RAB22A: variants seen among roughly 807,000 people sequenced by gnomAD.
RAB22A encodes RAB22A, member RAS oncogene family.
Under a neutral mutation model 30.2 loss-of-function variants are expected in RAB22A, and 13 were observed. That is an observed-to-expected ratio of 0.43 (90% CI 0.28 to 0.68). The LOEUF (loss-of-function observed/expected upper bound fraction) is 0.68, where lower values mean the gene tolerates loss of function less well. Ranked by LOEUF, RAB22A falls within the 30% of genes least tolerant of loss-of-function variation. The pLI, the probability that RAB22A is intolerant of heterozygous loss-of-function variation, is 0.18. For missense variants in RAB22A, 177 were observed against 246.8 expected, an observed-to-expected ratio of 0.72 and a Z score of 1.89; for synonymous variants, 89 against 87.2, an observed-to-expected ratio of 1.02 and a Z score of -0.11.
chr20:58,328,181 A>AATGTTATAT (rs1408588366), intron 2 of RAB22A, among the ~76,000 whole-genome samples: 2 of 152,100 alleles, frequency 1.3e-5, no homozygotes, highest in East Asian at 3.8e-4. Context: ...TTGCGAAAAA[A>AATGTTATAT]ATGTTATATA....
Position 58,316,267 on chromosome 20 carries a change from C to T in RAB22A, c.116+5145C>T, listed in dbSNP as rs185499727. ...GCCCAGAATTCCTGCCCTCCCTGCA[C>T]CAGGTCCCCTCGTTCATCTTCTTAC... On this transcript the variant is annotated intron_variant, in intron 2 of 6. Transcript: ENST00000244040. 2.6e-5 allele frequency among the ~76,000 whole-genome samples: 4 copies of T among 152,324 alleles called. No homozygotes were observed. In the East Asian group the frequency reaches 5.8e-4, roughly 22 times the overall value.
chr20:58,314,565 G>T (rs1275332566), intron 2 of RAB22A, among the ~76,000 whole-genome samples: 1 of 152,170 alleles, frequency 6.6e-6, no homozygotes, highest in East Asian at 1.9e-4. Context: ...AGTTGGCTGT[G>T]CACGGTGGCT....
intron 2 of RAB22A, among the ~76,000 whole-genome samples, chr20:58,315,185 G>A (rs796525752): frequency 4.6e-5 from 7 of 152,216 alleles, no homozygotes; most frequent in African/African-American, 9.6e-5. Context: ...CTTCATAACC[G>A]TGCTTTCTCA....
At position 58,365,366 on chromosome 20, in the gene RAB22A, C is replaced by T. The variant is rs1434535031; in HGVS notation, c.*5663C>T. ...AGTGGGGCCCACTGGCATGAGTAGTCCCTGTGCCCATGCCCATGGTGGTGC... is the reference window on the plus strand; with the variant it reads ...AGTGGGGCCCACTGGCATGAGTAGTTCCTGTGCCCATGCCCATGGTGGTGC... On this transcript the variant is annotated 3_prime_UTR_variant, in exon 7 of 7. Coordinates refer to ENST00000244040, the MANE Select transcript of RAB22A (RefSeq NM_020673.3). 6.6e-6 allele frequency: 1 copy of T among 152,204 alleles called. No individual in the cohort carries two copies. Among genetic ancestry groups the T allele is most frequent in the Non-Finnish European group, 1.5e-5 (1 of 68,046 alleles). The allele number at this position is 152,204 out of a possible 1,614,324, so 9.4% of individuals were successfully genotyped here. A position where few individuals can be genotyped will look rare whatever the true frequency, so the allele number is the denominator to read the frequency against.
At chr20:58,320,826 C>T (rs566260962) in intron 2 of RAB22A, among the ~76,000 whole-genome samples, 2 of 152,144 alleles carry the variant, frequency 1.3e-5, no homozygotes, top group Non-Finnish European at 1.5e-5. Flanking sequence ...GAGGCCAAAG[C>T]GGGTGGATCA....
At chr20:58,348,338 C>T (rs1172532205) in intron 3 of RAB22A, among the ~76,000 whole-genome samples, 3 of 152,298 alleles carry the variant, frequency 2.0e-5, no homozygotes, top group Admixed American at 2.0e-4. Flanking sequence ...TTACAGAGAT[C>T]AGAACACTAG....
chr20:58,343,543 G>C (rs1030564610), intron 2 of RAB22A, among the ~76,000 whole-genome samples, 175 bp from the exon 3 acceptor site: 4 of 152,058 alleles, frequency 2.6e-5, no homozygotes, highest in African/African-American at 7.2e-5. Flanking sequence ...TATTTTGACG[G>C]AGGATATGCA....
chr20:58,332,201 G>A (rs1022448744), intron 2 of RAB22A, among the ~76,000 whole-genome samples: 2 of 152,160 alleles, frequency 1.3e-5, no homozygotes, highest in Non-Finnish European at 2.9e-5. Flanking sequence ...AGGCAGCTGA[G>A]CACACAAAGA....
At chr20:58,334,588 C>G (rs535520373) in intron 2 of RAB22A, among the ~76,000 whole-genome samples, 32 of 151,752 alleles carry the variant, frequency 2.1e-4, no homozygotes, top group African/African-American at 6.5e-4. Context: ...ATGAGGAAAC[C>G]TTCTGGTCAT....
intron 2 of RAB22A, among the ~76,000 whole-genome samples, chr20:58,321,010 T>TA (rs1244933282): frequency 2.6e-5 from 4 of 151,450 alleles, no homozygotes; most frequent in Non-Finnish European, 5.9e-5. Flanking sequence ...GCCAACATGG[T>TA]AAAACCCCGT....
chr20:58,313,329 T>C (rs1024567468), intron 2 of RAB22A, among the ~76,000 whole-genome samples: 2 of 152,168 alleles, frequency 1.3e-5, no homozygotes, highest in Admixed American at 1.3e-4. Context: ...CTTCTGCCTT[T>C]TTTTGTTTCT....
At position 58,315,011 on chromosome 20, in the gene RAB22A, A is replaced by C. The variant is rs1986307369; in HGVS notation, c.116+3889A>C. On this transcript the variant is annotated intron_variant, in intron 2 of 6. Transcript: ENST00000244040. ...GGGGTCAGGAGGCCGGGGTGGCTGG[A>C]GGACCCACAGCAAGAACCAGGAGAG... Among the ~76,000 whole-genome samples, 4 of 152,162 alleles carry C rather than the reference A, an allele frequency of 2.6e-5. No individual in the cohort carries two copies. In the South Asian group the frequency reaches 8.3e-4, roughly 32 times the overall value.
chr20:58,342,150 A>G (rs1028222094), intron 2 of RAB22A, among the ~76,000 whole-genome samples: 1 of 152,254 alleles, frequency 6.6e-6, no homozygotes, highest in Non-Finnish European at 1.5e-5. Flanking sequence ...TTCCTAAGTG[A>G]GAAACCATGT....
In RAB22A at chr20:58,316,567, C is replaced by T. The variant is rs1270019741; in HGVS notation, c.116+5445C>T. On this transcript the variant is annotated intron_variant, in intron 2 of 6. Transcript: ENST00000244040. Reference sequence around the variant, plus strand: ...AGGAGGCCCCCATTAAAATCACCACCGTAGTGAGCCATTGTGTAGTGAGCC... The same window carrying T: ...AGGAGGCCCCCATTAAAATCACCACTGTAGTGAGCCATTGTGTAGTGAGCC... Among the ~76,000 whole-genome samples the T allele has an allele frequency of 2.6e-5, 4 of 152,198 alleles. No individual in the cohort carries two copies. In the East Asian group the frequency reaches 5.8e-4, roughly 22 times the overall value.
intron 2 of RAB22A, among the ~76,000 whole-genome samples, chr20:58,323,428 T>A (rs1406490967): frequency 1.3e-5 from 2 of 152,094 alleles, no homozygotes; most frequent in Non-Finnish European, 2.9e-5. Flanking sequence ...TTAGTTTTTT[T>A]AATCTTTATT....
intron 2 of RAB22A, among the ~76,000 whole-genome samples, chr20:58,325,696 A>G (rs1486547538): frequency 6.6e-6 from 1 of 152,188 alleles, no homozygotes; most frequent in Non-Finnish European, 1.5e-5. Context: ...TTTTGAGGTG[A>G]GAGAACATAT....
At position 58,339,094 on chromosome 20, in the gene RAB22A, A is replaced by G. The variant is rs553752042; in HGVS notation, c.117-4624A>G. On this transcript the variant is annotated intron_variant, in intron 2 of 6. Coordinates refer to ENST00000244040, the MANE Select transcript of RAB22A (RefSeq NM_020673.3). ...CTGCAGTTAAAGAAAAGAAATGTTTAAAATACCTTGCAACAAGTTTTTTCA... is the reference window on the plus strand; with the variant it reads ...CTGCAGTTAAAGAAAAGAAATGTTTGAAATACCTTGCAACAAGTTTTTTCA... 3.3e-5 allele frequency among the ~76,000 whole-genome samples: 5 copies of G among 152,368 alleles called. No homozygotes were observed. In the East Asian group the frequency reaches 7.7e-4, roughly 24 times the overall value.
intron 2 of RAB22A, among the ~76,000 whole-genome samples, chr20:58,316,518 A>G (rs1986342948): frequency 6.6e-6 from 1 of 152,012 alleles, no homozygotes; most frequent in Non-Finnish European, 1.5e-5. Context: ...CCCTTCCTCT[A>G]CACTACACAT....
At chr20:58,342,280 A>G (rs1288811858) in intron 2 of RAB22A, among the ~76,000 whole-genome samples, 4 of 152,248 alleles carry the variant, frequency 2.6e-5, no homozygotes, top group Non-Finnish European at 5.9e-5. Context: ...TTTTCAGTAA[A>G]TAAATATCCA....
Sources: gnomAD v4.1 joint callset for allele counts (sites outside exome capture counted in the v4.1 genomes callset) on GRCh38, gnomAD v4.1.1 for gene constraint, MANE v1.5 for transcripts, NCBI Gene and HGNC (gene_info 2026-07-23, HGNC 2026-07-21) for gene names.